The following GALNT2 variants were observed in gnomAD, a reference collection of about 807,000 sequenced individuals.
GALNT2 encodes the protein UDP-GalNAc:polypeptide N-acetylgalactosaminyltransferase 2.
Under a neutral mutation model 81.4 loss-of-function variants are expected in GALNT2, and 31 were observed. That is an observed-to-expected ratio of 0.38 (90% CI 0.29 to 0.51). The LOEUF (loss-of-function observed/expected upper bound fraction) is 0.51. Ranked by LOEUF, GALNT2 falls within the 20% of genes least tolerant of loss-of-function variation. GALNT2 has a pLI of 0.87. For missense variants in GALNT2, 629 were observed against 765.7 expected, an observed-to-expected ratio of 0.82 and a Z score of 2.11; for synonymous variants, 303 against 287.4, an observed-to-expected ratio of 1.05 and a Z score of -0.55.
In GALNT2 at chr1:230,209,345, T is replaced by A. The variant is rs557604374; in HGVS notation, c.374+6055T>A. Among the ~76,000 whole-genome samples the A allele has an allele frequency of 3.7e-3, 562 of 152,292 alleles. 5 individuals carry two copies. The highest frequency in any genetic ancestry group is 0.013 in the African/African-American group (523 of 41,558). On this transcript the variant is annotated intron_variant, in intron 3 of 15. Coordinates refer to ENST00000366672, the MANE Select transcript of GALNT2 (RefSeq NM_004481.5). ...AGGTGATTAAGGTTAGAGGAGGTCC[T>A]AAAGGGTGGCGCCCTGATCCACCTG...
rs1666160188 is a variant in GALNT2, at chr1:230,271,495, C to T, written c.1441-2950C>T. Among the ~76,000 whole-genome samples the T allele has an allele frequency of 6.6e-6, 1 of 152,214 alleles. No individual in the cohort carries two copies. Among genetic ancestry groups the T allele is most frequent in the Non-Finnish European group, 1.5e-5 (1 of 68,040 alleles). The stretch of plus-strand genomic sequence containing the variant: ...TGCCTACCCAGAGTTAGCACAGACC[C>T]CACGGGTTATGGGCTTCCTCCCACA... On this transcript the variant is annotated intron_variant, in intron 14 of 15. Coordinates refer to ENST00000366672, the MANE Select transcript of GALNT2 (RefSeq NM_004481.5). The surrounding 1 kb of genome is among the most constrained non-coding windows in gnomAD (Gnocchi z 4.2).
Position 230,236,338 on chromosome 1 carries a change from C to T in GALNT2, c.474-15C>T. On this transcript the variant is annotated splice_polypyrimidine_tract_variant and intron_variant, in intron 4 of 15. Coordinates refer to ENST00000366672, the MANE Select transcript of GALNT2 (RefSeq NM_004481.5). ...CTAAAAGACCTATAAACTTTATCTTCTTGTCTTTTCTTAGCGTGCTTAAGA... is the reference window on the plus strand; with the variant it reads ...CTAAAAGACCTATAAACTTTATCTTTTTGTCTTTTCTTAGCGTGCTTAAGA... 6.2e-7 allele frequency: 1 copy of T among 1,612,148 alleles called. No individual in the cohort carries two copies. The highest frequency in any genetic ancestry group is 8.5e-7 in the Non-Finnish European group (1 of 1,178,858).
intron 1 of GALNT2, among the ~76,000 whole-genome samples, chr1:230,107,481 G>A (rs1442169766): frequency 6.6e-6 from 1 of 152,118 alleles, no homozygotes; most frequent in Non-Finnish European, 1.5e-5. Flanking sequence ...TCGGGAGGCT[G>A]AGACGGGAGC....
In GALNT2 at chr1:230,243,228, G is replaced by C; in HGVS notation, c.608-78G>C. The C allele has an allele frequency of 6.7e-7, 1 of 1,490,358 alleles. No individual in the cohort carries two copies. The highest frequency in any genetic ancestry group is 8.9e-7 in the Non-Finnish European group (1 of 1,123,234). 92.3% of individuals were successfully genotyped at this position (1,490,358 alleles called of 1,614,324 possible). On this transcript the variant is annotated intron_variant, in intron 6 of 15. Coordinates refer to ENST00000366672, the MANE Select transcript of GALNT2 (RefSeq NM_004481.5). This position sits in a 1 kb window ranked among gnomAD's most constrained non-coding sequence, Gnocchi z 4.2. ...CAGGCTGCAGAGCTGCGGGCAGGGA[G>C]GCGTCGCCGGTTGGCATGGGGTTGT...
chr1:230,198,753 A>T lies in GALNT2; in HGVS notation c.221-4384A>T, dbSNP rs188031132. ...TGAATCAGGGGTTTCAAGGCTGGTA[A>T]GGTCAAACAATTCCTTCTTTGGTTT... On this transcript the variant is annotated intron_variant, in intron 2 of 15. Coordinates refer to ENST00000366672, the MANE Select transcript of GALNT2 (RefSeq NM_004481.5). Among the ~76,000 whole-genome samples, 12 of 152,338 alleles carry T rather than the reference A, an allele frequency of 7.9e-5. No individual in the cohort carries two copies. The East Asian group carries it at 2.1e-3, about 27-fold the overall frequency.
intron 1 of GALNT2, among the ~76,000 whole-genome samples, chr1:230,159,150 TG>T (rs751326683): frequency 4.2e-4 from 64 of 152,324 alleles, no homozygotes; most frequent in Non-Finnish European, 7.9e-4. Context: ...TACCCAGCCG[TG>T]GGAAAGGACG....
chr1:230,064,606 T>C (rs1367963819), upstream of GALNT2, among the ~76,000 whole-genome samples: 9 of 152,200 alleles, frequency 5.9e-5, no homozygotes, highest in Admixed American at 3.3e-4. Flanking sequence ...CTGCAACCTC[T>C]GCCTCCCGGG....
At chr1:230,079,102 G>A (rs771363531) in intron 1 of GALNT2, among the ~76,000 whole-genome samples, 3 of 152,232 alleles carry the variant, frequency 2.0e-5, no homozygotes, top group Non-Finnish European at 4.4e-5. Flanking sequence ...ATCAGGAGCT[G>A]TGGATGACTT....
intron 1 of GALNT2, among the ~76,000 whole-genome samples, chr1:230,147,186 T>C (rs1661945121): frequency 6.6e-6 from 1 of 152,228 alleles, no homozygotes; most frequent in African/African-American, 2.4e-5. Flanking sequence ...AAAAGAATGC[T>C]CTCTGATTTG....
rs76633174 is a variant in GALNT2, at chr1:230,116,138, G to C, written c.126+48732G>C. Among the ~76,000 whole-genome samples, 651 of 152,322 alleles carry C rather than the reference G, an allele frequency of 4.3e-3. 14 individuals are homozygous for C. Among genetic ancestry groups the C allele is most frequent in the East Asian group, 0.029 (152 of 5,180 alleles). On this transcript the variant is annotated intron_variant, in intron 1 of 15. Coordinates refer to ENST00000366672, the MANE Select transcript of GALNT2 (RefSeq NM_004481.5). ...ATCACGAATGTTCTTAATGGCAACTGTAAGGGTGAATTCTTTCCAGAAGGA... is the reference window on the plus strand; with the variant it reads ...ATCACGAATGTTCTTAATGGCAACTCTAAGGGTGAATTCTTTCCAGAAGGA...
At chr1:230,149,489 C>T (rs564149354) in intron 1 of GALNT2, among the ~76,000 whole-genome samples, 24 of 152,226 alleles carry the variant, frequency 1.6e-4, no homozygotes, top group Non-Finnish European at 3.1e-4. Context: ...AAGATTTCTG[C>T]CTAAACATAG....
At chr1:230,203,433 T>C in intron 3 of GALNT2, 143 bp downstream of exon 3, 1 of 962,724 alleles carries the variant, frequency 1.0e-6, no homozygotes, top group South Asian at 1.6e-5. Context: ...TCCTGAGGTA[T>C]ATGGCAATGG....
At position 230,067,361 on chromosome 1, in the gene GALNT2, C is replaced by T. The variant is rs28404113; in HGVS notation, c.81C>T (p.Gly27=). 21 of 1,354,106 alleles carry T rather than the reference C, an allele frequency of 1.6e-5. No individual in the cohort carries two copies. Among genetic ancestry groups the T allele is most frequent in the Non-Finnish European group, 1.8e-5 (19 of 1,041,896 alleles). 83.9% of individuals were successfully genotyped at this position (1,354,106 alleles called of 1,614,324 possible). A position where few individuals can be genotyped will look rare whatever the true frequency, so the allele number is the denominator to read the frequency against. ...TCGCCTACTACATGTACTCGGGGGG[C>T]GGCTCTGCGCTGGCCGGGGGCGCGG... The part of the protein sequence containing the change: ...LGIAYYMYSG[G]GSALAGGAGG... Residue 27 remains glycine, a synonymous_variant, in exon 1 of 16, where the codon GGC becomes GGT. Coordinates refer to ENST00000366672, the MANE Select transcript of GALNT2 (RefSeq NM_004481.5).
At chr1:230,133,293 G>A (rs1431773118) in intron 1 of GALNT2, among the ~76,000 whole-genome samples, 1 of 152,144 alleles carries the variant, frequency 6.6e-6, no homozygotes, top group Non-Finnish European at 1.5e-5. Flanking sequence ...TAAGGCTTTT[G>A]ATAGATGTTC....
intron 2 of GALNT2, among the ~76,000 whole-genome samples, chr1:230,194,895 T>G (rs1663640406): frequency 6.6e-6 from 1 of 152,102 alleles, no homozygotes; most frequent in African/African-American, 2.4e-5. Flanking sequence ...GTGCTGAAGA[T>G]GACAAGCATA....
chr1:230,088,344 T>G (rs374022759), intron 1 of GALNT2, among the ~76,000 whole-genome samples: 3 of 152,178 alleles, frequency 2.0e-5, no homozygotes, highest in East Asian at 3.8e-4. Context: ...TCTTGTAATA[T>G]TTGTCCTTTT....
intron 1 of GALNT2, among the ~76,000 whole-genome samples, chr1:230,159,631 T>C (rs1662368935): frequency 6.6e-6 from 1 of 152,190 alleles, no homozygotes; most frequent in African/African-American, 2.4e-5. Flanking sequence ...TGCAGTGACC[T>C]GAGGGTGCCA....
chr1:230,279,936 G>C lies in GALNT2; in HGVS notation c.*478G>C, dbSNP rs1039707546. ...CAAAGCCGAGTCGTGTCACGTGGCA[G>C]GTTTACGTCAATAGTCCCTCTCTCT... On this transcript the variant is annotated 3_prime_UTR_variant, in exon 16 of 16. Coordinates refer to ENST00000366672, the MANE Select transcript of GALNT2 (RefSeq NM_004481.5). The surrounding 1 kb of genome is among the most constrained non-coding windows in gnomAD (Gnocchi z 4.6). The C allele has an allele frequency of 6.6e-6, 3 of 456,498 alleles. No individual in the cohort carries two copies. Among genetic ancestry groups the C allele is most frequent in the African/African-American group, 6.0e-5 (3 of 50,086 alleles). 28.3% of individuals were successfully genotyped at this position (456,498 alleles called of 1,614,324 possible).
intron 2 of GALNT2, among the ~76,000 whole-genome samples, chr1:230,195,102 T>C (rs1455554032): frequency 1.3e-5 from 2 of 152,246 alleles, no homozygotes; most frequent in Non-Finnish European, 2.9e-5. Context: ...AGGACTCATT[T>C]TAAACGGCTT....
Sources: gnomAD v4.1 joint callset for allele counts (sites outside exome capture counted in the v4.1 genomes callset) on GRCh38, gnomAD v4.1.1 for gene constraint, Gnocchi (gnomAD v3.1) non-coding constraint, MANE v1.5 for transcripts, NCBI Gene and HGNC (gene_info 2026-07-23, HGNC 2026-07-21) for gene names.